CPM: variants seen among roughly 807,000 people sequenced by gnomAD.
CPM encodes the protein renal carboxypeptidase.
Under a neutral mutation model 46.4 loss-of-function variants are expected in CPM, and 35 were observed. The ratio of observed to expected loss-of-function variants is 0.75; its 90% CI spans 0.58 to 1.00. CPM has a LOEUF of 1.00. Among genes scored for constraint, CPM ranks in the 50% least tolerant of loss-of-function variants. The probability of loss-of-function intolerance (pLI) is 0.00; values close to 1 mark genes in which losing one functional copy is unlikely to be tolerated. For synonymous variants in CPM, 195 were observed against 195.3 expected (o/e 1.00, Z 0.01); for missense variants, 422 against 530.4 (o/e 0.80, Z 2.01).
intron 3 of CPM, among the ~76,000 whole-genome samples, chr12:68,873,859 G>T (rs1451679448): frequency 6.6e-6 from 1 of 151,506 alleles, no homozygotes; most frequent in Non-Finnish European, 1.5e-5. Flanking sequence ...AGGCTAGAGT[G>T]CAGTGGCACC....
At chr12:68,934,014 G>A (rs759337574), upstream of CPM, among the ~76,000 whole-genome samples, 2 of 152,028 alleles carry the variant, frequency 1.3e-5, no homozygotes, top group Non-Finnish European at 2.9e-5. Flanking sequence ...GAGAACGAAG[G>A]CTTCACTCAA....
At chr12:68,897,373 C>T (rs535063794) in intron 2 of CPM, among the ~76,000 whole-genome samples, 12 of 151,924 alleles carry the variant, frequency 7.9e-5, no homozygotes, top group Admixed American at 3.9e-4. Context: ...TGAGAACTTC[C>T]CTTTTTGGTC....
intron 7 of CPM, among the ~76,000 whole-genome samples, chr12:68,864,679 C>A (rs1392534582): frequency 6.6e-6 from 1 of 152,140 alleles, no homozygotes; most frequent in African/African-American, 2.4e-5. Flanking sequence ...CTTGCACGCC[C>A]ATACCCATGT....
At chr12:68,861,820 G>T (rs1012653788) in intron 7 of CPM, among the ~76,000 whole-genome samples, 8 of 147,808 alleles carry the variant, frequency 5.4e-5, no homozygotes, top group Non-Finnish European at 8.9e-5. Context: ...GAGCCATCGC[G>T]CCCGGCTAAC....
intron 7 of CPM, among the ~76,000 whole-genome samples, chr12:68,860,375 C>A (rs77002091): frequency 1.3e-5 from 2 of 151,998 alleles, no homozygotes; most frequent in African/African-American, 4.8e-5. Flanking sequence ...TAGGTAGTAC[C>A]CAATCATAAA....
intron 2 of CPM, among the ~76,000 whole-genome samples, chr12:68,929,787 T>C (rs961429380): frequency 2.0e-5 from 3 of 152,132 alleles, no homozygotes; most frequent in East Asian, 1.9e-4. Context: ...ATCAAGAGGA[T>C]AGAATACTAA....
intron 2 of CPM, among the ~76,000 whole-genome samples, chr12:68,905,275 T>A (rs1237355250): frequency 6.6e-6 from 1 of 151,884 alleles, no homozygotes; most frequent in African/African-American, 2.4e-5. Context: ...GAAATCTTTT[T>A]TTTTCTCTCT....
At chr12:68,877,728 G>A (rs1475610038) in intron 3 of CPM, among the ~76,000 whole-genome samples, 1 of 152,172 alleles carries the variant, frequency 6.6e-6, no homozygotes, top group African/African-American at 2.4e-5. Flanking sequence ...AGGAAAAGGA[G>A]CTTGGGCAGC....
intron 2 of CPM, among the ~76,000 whole-genome samples, chr12:68,920,854 C>A (rs1422612171): frequency 6.7e-6 from 1 of 150,010 alleles, no homozygotes; most frequent in Non-Finnish European, 1.5e-5. Context: ...CCATGCCTGG[C>A]TAATTTTTTT....
intron 1 of CPM, among the ~76,000 whole-genome samples, chr12:68,941,125 T>A (rs1321933878): frequency 1.3e-5 from 2 of 152,028 alleles, no homozygotes; most frequent in South Asian, 2.1e-4. Context: ...TTGGTCAATT[T>A]GTGTGTTTTT....
intron 4 of CPM, among the ~76,000 whole-genome samples, chr12:68,871,260 C>T (rs1013699685): frequency 1.3e-5 from 2 of 152,166 alleles, no homozygotes; most frequent in Non-Finnish European, 2.9e-5. Context: ...GATCTAACAA[C>T]GACAAACACA....
At chr12:68,897,301 C>T (rs1886913203) in intron 2 of CPM, among the ~76,000 whole-genome samples, 2 of 146,748 alleles carry the variant, frequency 1.4e-5, no homozygotes, top group Non-Finnish European at 1.5e-5. Context: ...CATATAGCTA[C>T]AGGAAACTTG....
At chr12:68,947,639 A>G in intron 1 of CPM, among the ~76,000 whole-genome samples, 1 of 151,542 alleles carries the variant, frequency 6.6e-6, no homozygotes. Context: ...ATAATGACTA[A>G]TTTTATTTAT....
At chr12:68,913,789 T>A in intron 2 of CPM, 1 of 581,300 alleles carries the variant, frequency 1.7e-6, no homozygotes. Flanking sequence ...GGAAACCCAG[T>A]GTAAAAAGTT....
chr12:68,950,229 G>A (rs115982288), intron 1 of CPM, among the ~76,000 whole-genome samples: 26 of 152,246 alleles, frequency 1.7e-4, no homozygotes, highest in African/African-American at 5.8e-4. Context: ...ATATAAAGTA[G>A]CATTGATGCT....
At chr12:68,889,277 C>T (rs1886557578) in intron 2 of CPM, among the ~76,000 whole-genome samples, 1 of 152,044 alleles carries the variant, frequency 6.6e-6, no homozygotes, top group Admixed American at 6.6e-5. Flanking sequence ...ACTTCTAATC[C>T]ACCTTTTTAA....
chr12:68,903,879 A>ATTCTTTCTTTCATTCTTTCTTTCT (rs1887223838), intron 2 of CPM, among the ~76,000 whole-genome samples: 1 of 139,948 alleles, frequency 7.1e-6, no homozygotes, highest in Non-Finnish European at 1.5e-5. Context: ...CCTTTCTCTC[A>ATTCTTTCTTTCATTCTTTCTTTCT]TTCTTTCTTT....
chr12:68,847,211 T>TATATATATATATATATATATATATATAC (rs914745312), downstream of CPM: 2 of 136,476 alleles, frequency 1.5e-5, no homozygotes, highest in African/African-American at 6.0e-5. Context: ...TATATATATA[T>TATATATATATATATATATATATATATAC]ACTTTTTTTA....
chr12:68,849,802 G>C (rs1298771336), downstream of CPM: 1 of 150,856 alleles, frequency 6.6e-6, no homozygotes, highest in Non-Finnish European at 1.5e-5. Context: ...CAGTAGAGAT[G>C]GGGTTTTGCT....
Sources: allele counts gnomAD v4.1 joint callset (sites outside exome capture counted in the v4.1 genomes callset), GRCh38; gene constraint gnomAD v4.1.1; transcripts MANE v1.5; gene names NCBI Gene and HGNC (gene_info 2026-07-23, HGNC 2026-07-21).